Variants in DLG2 observed in about 807,000 individuals in gnomAD.
DLG2 encodes the protein disks large homolog 2.
Under a neutral mutation model 132.5 loss-of-function variants are expected in DLG2, and 45 were observed. The ratio of observed to expected loss-of-function variants is 0.34; its 90% CI spans 0.27 to 0.44. DLG2 has a LOEUF of 0.44. Among genes scored for constraint, DLG2 ranks in the 20% least tolerant of loss-of-function variants. DLG2 has a pLI of 1.00. For synonymous variants in DLG2, 424 were observed against 419.6 expected (o/e 1.01, Z -0.13); for missense variants, 1,045 against 1,196.9 (o/e 0.87, Z 1.87).
At chr11:84,074,529 A>ATTTTTT (rs59822508) in intron 10 of DLG2, among the ~76,000 whole-genome samples, 4,831 of 139,218 alleles carry the variant, frequency 0.035, 293 homozygotes, top group African/African-American at 0.12. Context: ...AGAGTTTCTA[A>ATTTTTT]TTTTTTTTTT....
intron 19 of DLG2, among the ~76,000 whole-genome samples, chr11:83,550,731 T>C (rs2096370062): frequency 6.6e-6 from 1 of 152,212 alleles, no homozygotes; most frequent in East Asian, 1.9e-4. Flanking sequence ...CCAGGTTTTA[T>C]GACACTTTCA....
intron 6 of DLG2, among the ~76,000 whole-genome samples, chr11:84,627,275 A>C: frequency 6.6e-6 from 1 of 152,170 alleles, no homozygotes; most frequent in East Asian, 1.9e-4. Flanking sequence ...CACTTATTCA[A>C]CATTCTCAGT....
rs576919904 is a variant in DLG2 at position 85,317,470 on chromosome 11, A to C, written c.41-32105T>G. ...AACCTAGAAAGAAATGAGTAAAAGA[A>C]AATTAAAGAATATGCTGTCTAATGT... is the stretch of plus-strand genomic sequence containing the variant. On this transcript the variant is annotated intron_variant, in intron 3 of 27. Coordinates refer to ENST00000376104, the MANE Select transcript of DLG2 (RefSeq NM_001142699.3). Among the ~76,000 whole-genome samples, 47 of 152,048 alleles carry C rather than the reference A, an allele frequency of 3.1e-4. 1 individual carries two copies. In the South Asian group the frequency reaches 8.7e-3, roughly 28 times the overall value.
chr11:85,497,735 C>A (rs1291851705), intron 3 of DLG2, among the ~76,000 whole-genome samples: 1 of 152,160 alleles, frequency 6.6e-6, no homozygotes, highest in Non-Finnish European at 1.5e-5. Flanking sequence ...GATCTCTCGG[C>A]AGAAACCCTA....
At chr11:84,354,884 G>GA (rs1217908325) in intron 7 of DLG2, among the ~76,000 whole-genome samples, 2 of 152,176 alleles carry the variant, frequency 1.3e-5, no homozygotes, top group African/African-American at 4.8e-5. Context: ...GACAAAAACA[G>GA]AAAGATGGAG....
chr11:83,633,733 C>T (rs564421649), intron 18 of DLG2, among the ~76,000 whole-genome samples: 4 of 126,456 alleles, frequency 3.2e-5, no homozygotes, highest in Non-Finnish European at 4.9e-5. Context: ...GATAAAATTA[C>T]ACAGAACTAA....
chr11:84,628,766 C>A (rs1035733511), intron 6 of DLG2, among the ~76,000 whole-genome samples: 4 of 152,176 alleles, frequency 2.6e-5, no homozygotes, highest in Non-Finnish European at 4.4e-5. Context: ...TTATGTTTAA[C>A]TTCTTTATAA....
At chr11:85,093,413 C>T (rs2069163191) in intron 6 of DLG2, among the ~76,000 whole-genome samples, 1 of 152,136 alleles carries the variant, frequency 6.6e-6, no homozygotes, top group African/African-American at 2.4e-5. Flanking sequence ...CAGACTCACA[C>T]ACTAATCTCC....
At chr11:85,209,603 T>A (rs2082127934) in intron 4 of DLG2, among the ~76,000 whole-genome samples, 1 of 144,432 alleles carries the variant, frequency 6.9e-6, no homozygotes, top group Admixed American at 6.9e-5. Flanking sequence ...AACTTTTTTT[T>A]TTTTTTTTGT....
intron 6 of DLG2, among the ~76,000 whole-genome samples, chr11:84,858,803 T>A (rs1475006958): frequency 6.6e-6 from 1 of 151,934 alleles, no homozygotes; most frequent in East Asian, 1.9e-4. Context: ...TCATGGGAAA[T>A]AGTTTGTACT....
intron 4 of DLG2, among the ~76,000 whole-genome samples, chr11:85,206,150 G>A (rs767664624): frequency 1.8e-4 from 28 of 151,994 alleles, no homozygotes; most frequent in Non-Finnish European, 3.1e-4. Flanking sequence ...TCTTCCTCCT[G>A]CTGTGGCTAT....
intron 3 of DLG2, among the ~76,000 whole-genome samples, chr11:85,555,298 A>G (rs2076879469): frequency 6.6e-6 from 1 of 151,954 alleles, no homozygotes; most frequent in Non-Finnish European, 1.5e-5. Context: ...TGGTTTCACA[A>G]AAACTTTTAC....
At chr11:84,930,063 T>C (rs1012043396) in intron 6 of DLG2, among the ~76,000 whole-genome samples, 2 of 152,020 alleles carry the variant, frequency 1.3e-5, no homozygotes, top group Non-Finnish European at 2.9e-5. Context: ...GAAAGGACAA[T>C]GGAATGGACA....
rs1477795349 is a variant in DLG2, at chr11:83,965,442, T to A, written c.1083A>T (p.Val361=). The change falls in exon 13 of 28, where the codon GTA becomes GTT. Residue 361 remains valine, a synonymous_variant. Coordinates refer to ENST00000376104, the MANE Select transcript of DLG2 (RefSeq NM_001142699.3). ...LMVNNYSLEE[V]THEEAVAILK... ...ATATTGCTACTGCCTCTTCGTGTGT[T>A]ACTTCTTCTAAACTGTAGTTGTTTA... The A allele has an allele frequency of 6.2e-7, 1 of 1,611,066 alleles. No individual in the cohort carries two copies. Among genetic ancestry groups the A allele is most frequent in the Admixed American group, 1.7e-5 (1 of 59,802 alleles).
At chr11:84,850,066 T>TA (rs570526828) in intron 6 of DLG2, among the ~76,000 whole-genome samples, 1 of 152,108 alleles carries the variant, frequency 6.6e-6, no homozygotes, top group South Asian at 2.1e-4. Context: ...TCCTTGATGG[T>TA]AAAAAACCAT....
chr11:84,033,467 T>C (rs966690119), intron 11 of DLG2, among the ~76,000 whole-genome samples: 3 of 151,984 alleles, frequency 2.0e-5, no homozygotes, highest in African/African-American at 7.3e-5. Context: ...AAATGAAGAG[T>C]TGTTTCTCAG....
intron 6 of DLG2, among the ~76,000 whole-genome samples, chr11:84,715,068 A>G (rs2061054299): frequency 6.6e-6 from 1 of 152,048 alleles, no homozygotes; most frequent in Admixed American, 6.6e-5. Flanking sequence ...AGGTCCAAAT[A>G]CTCACCAGAA....
chr11:84,083,276 T>A (rs778820572), intron 10 of DLG2, among the ~76,000 whole-genome samples: 43 of 152,118 alleles, frequency 2.8e-4, no homozygotes, highest in Non-Finnish European at 5.4e-4. Flanking sequence ...CAAGACTCCA[T>A]CTTGGAAAAT....
chr11:84,646,986 T>C (rs1018018066), intron 6 of DLG2, among the ~76,000 whole-genome samples: 1 of 152,122 alleles, frequency 6.6e-6, no homozygotes, highest in Non-Finnish European at 1.5e-5. Context: ...TGTGTGTAGG[T>C]ATTGAGAGAG....
Sources: allele counts gnomAD v4.1 joint callset (sites outside exome capture counted in the v4.1 genomes callset), GRCh38; gene constraint gnomAD v4.1.1; transcripts MANE v1.5; gene names NCBI Gene and HGNC (gene_info 2026-07-23, HGNC 2026-07-21).